The following SH3GL2 variants were observed in gnomAD, a reference collection of about 807,000 sequenced individuals.
SH3GL2 encodes the protein endophilin-A1.
SH3GL2 carries 24 observed loss-of-function variants against 46.0 expected under a neutral mutation model. That is an observed-to-expected ratio of 0.52 (90% confidence interval 0.38 to 0.73). The LOEUF (loss-of-function observed/expected upper bound fraction) is 0.73. Ranked by LOEUF, SH3GL2 falls within the 30% of genes least tolerant of loss-of-function variation. The pLI is 0.00. For synonymous variants in SH3GL2, 196 were observed against 147.1 expected (o/e 1.33, Z -2.40); for missense variants, 413 against 424.2 (o/e 0.97, Z 0.23).
chr9:17,659,505 A>G (rs892013160), intron 1 of SH3GL2, among the ~76,000 whole-genome samples: 1 of 152,060 alleles, frequency 6.6e-6, no homozygotes, highest in Non-Finnish European at 1.5e-5. Flanking sequence ...TTGGAGAGAT[A>G]TTAATGAATT....
intron 1 of SH3GL2, among the ~76,000 whole-genome samples, chr9:17,610,483 T>A (rs1818840056): frequency 6.6e-6 from 1 of 152,234 alleles, no homozygotes; most frequent in South Asian, 2.1e-4. Flanking sequence ...TTAGGTTGGT[T>A]TAAGTTGTTG....
intron 3 of SH3GL2, among the ~76,000 whole-genome samples, chr9:17,781,691 C>T (rs1201020038): frequency 6.6e-6 from 1 of 152,242 alleles, no homozygotes; most frequent in Non-Finnish European, 1.5e-5. Flanking sequence ...TTTGAGAGTT[C>T]TGGTTGTTCC....
At chr9:17,795,457 A>G in intron 8 of SH3GL2, 87 bp from the exon 9 acceptor site, 2 of 997,392 alleles carry the variant, frequency 2.0e-6, no homozygotes, top group Non-Finnish European at 1.5e-6. Context: ...GCAGCAAGCC[A>G]GGTGGGTACA....
intron 1 of SH3GL2, among the ~76,000 whole-genome samples, chr9:17,661,929 T>G (rs1820226558): frequency 6.6e-6 from 1 of 152,210 alleles, no homozygotes. Context: ...ATGGTTGCAA[T>G]GGGATGATTT....
At chr9:17,720,177 C>T (rs7850335) in intron 1 of SH3GL2, among the ~76,000 whole-genome samples, 64,903 of 151,878 alleles carry the variant, frequency 0.43, 14,388 homozygotes, top group East Asian at 0.6. Context: ...ACCGGAGACA[C>T]GATGCGTCAA....
At chr9:17,639,720 T>A (rs896508568) in intron 1 of SH3GL2, among the ~76,000 whole-genome samples, 4 of 152,242 alleles carry the variant, frequency 2.6e-5, no homozygotes, top group Admixed American at 2.6e-4. Flanking sequence ...GCAGTGCTAT[T>A]CATAATAGTC....
In SH3GL2 at chr9:17,765,042, C is replaced by A. The variant is rs113659088; in HGVS notation, c.187+3533C>A. Among the ~76,000 whole-genome samples the A allele has an allele frequency of 2.0e-3, 11 of 5,530 alleles. No homozygotes were observed. In the African/African-American group the frequency reaches 0.023, roughly 12 times the overall value. 3.6% of individuals were successfully genotyped at this position (5,530 alleles called of 152,430 possible). ...GGCTTTCACATCTTGGGTACATGGACAGGCCAGGGCAATCAGTAGGATTTG... is the reference window on the plus strand; with the variant it reads ...GGCTTTCACATCTTGGGTACATGGAAAGGCCAGGGCAATCAGTAGGATTTG... On this transcript the variant is annotated intron_variant, in intron 3 of 8. Transcript: ENST00000380607.
At chr9:17,735,341 A>G (rs1476991395) in intron 1 of SH3GL2, among the ~76,000 whole-genome samples, 1 of 152,130 alleles carries the variant, frequency 6.6e-6, no homozygotes, top group African/African-American at 2.4e-5. Context: ...ATGTATGAGT[A>G]TAAGCACCCT....
At chr9:17,767,565 A>T (rs1823350340) in intron 3 of SH3GL2, among the ~76,000 whole-genome samples, 1 of 152,238 alleles carries the variant, frequency 6.6e-6, no homozygotes, top group Non-Finnish European at 1.5e-5. Flanking sequence ...AGGACAGGAT[A>T]GCTTGTATTC....
intron 1 of SH3GL2, among the ~76,000 whole-genome samples, chr9:17,679,186 G>A (rs1820697770): frequency 6.6e-6 from 1 of 152,152 alleles, no homozygotes; most frequent in African/African-American, 2.4e-5. Flanking sequence ...TTGGTAGCTT[G>A]ATGGGGATGG....
chr9:17,784,008 G>C (rs931598581), intron 3 of SH3GL2, among the ~76,000 whole-genome samples: 6 of 152,068 alleles, frequency 3.9e-5, no homozygotes, highest in African/African-American at 1.4e-4. Context: ...TGGTTAATTT[G>C]GAGGTCTGAT....
chr9:17,621,077 G>A (rs1323229885), intron 1 of SH3GL2, among the ~76,000 whole-genome samples: 1 of 152,294 alleles, frequency 6.6e-6, no homozygotes, highest in East Asian at 1.9e-4. Context: ...TGAAAAACAT[G>A]TAAAATTTGT....
chr9:17,617,811 G>A (rs1348196500), intron 1 of SH3GL2, among the ~76,000 whole-genome samples: 1 of 152,118 alleles, frequency 6.6e-6, no homozygotes, highest in Admixed American at 6.5e-5. Context: ...GTGAGAAATA[G>A]CGTATTTGGA....
intron 1 of SH3GL2, among the ~76,000 whole-genome samples, chr9:17,689,353 A>G (rs545205662): frequency 6.6e-6 from 1 of 152,244 alleles, no homozygotes; most frequent in African/African-American, 2.4e-5. Flanking sequence ...AACAGAAAAA[A>G]ATGGCCACTA....
At chr9:17,743,096 C>T (rs1822575479) in intron 1 of SH3GL2, among the ~76,000 whole-genome samples, 1 of 152,066 alleles carries the variant, frequency 6.6e-6, no homozygotes, top group Non-Finnish European at 1.5e-5. Flanking sequence ...CATTATTGGC[C>T]AGATGGACTC....
chr9:17,653,877 A>G, intron 1 of SH3GL2: 2 of 980,178 alleles, frequency 2.0e-6, no homozygotes, highest in Non-Finnish European at 2.4e-6. Flanking sequence ...GGGCTGATGC[A>G]GAAGGTATGT....
At chr9:17,745,650 G>A (rs1822661426) in intron 1 of SH3GL2, among the ~76,000 whole-genome samples, 1 of 149,034 alleles carries the variant, frequency 6.7e-6, no homozygotes, top group Non-Finnish European at 1.5e-5. Flanking sequence ...GGAAGTGGGA[G>A]TGAAGGACAG....
chr9:17,702,955 T>C (rs1821374695), intron 1 of SH3GL2, among the ~76,000 whole-genome samples: 1 of 152,140 alleles, frequency 6.6e-6, no homozygotes, highest in South Asian at 2.1e-4. Context: ...TTGTTAATCC[T>C]GGATCTTGCT....
At chr9:17,595,633 A>G (rs186010222) in intron 1 of SH3GL2, among the ~76,000 whole-genome samples, 21 of 152,336 alleles carry the variant, frequency 1.4e-4, no homozygotes, top group Admixed American at 1.1e-3. Flanking sequence ...GAAAAATTGT[A>G]AACAACCTCA....
Sources: gnomAD v4.1 joint callset for allele counts (sites outside exome capture counted in the v4.1 genomes callset) on GRCh38, gnomAD v4.1.1 for gene constraint, MANE v1.5 for transcripts, NCBI Gene and HGNC (gene_info 2026-07-23, HGNC 2026-07-21) for gene names.